Variants in SHPRH observed in about 807,000 individuals in gnomAD.
The protein encoded by SHPRH is SNF2 histone linker PHD RING helicase.
Under a neutral mutation model 202.5 loss-of-function variants are expected in SHPRH, and 106 were observed. The observed-to-expected ratio is 0.52, with a 90% CI of 0.45 to 0.62. The LOEUF is 0.62. SHPRH is among the 20% of genes least tolerant of loss of function. The pLI is 0.00. For missense variants in SHPRH, 1,710 were observed against 2,020.0 expected, an observed-to-expected ratio of 0.85 and a Z score of 2.94; for synonymous variants, 729 against 686.0, an observed-to-expected ratio of 1.06 and a Z score of -0.98.
At chr6:145,924,714 T>A (rs1489664494) in intron 17 of SHPRH, 25 bp downstream of exon 17, 2 of 1,596,576 alleles carry the variant, frequency 1.3e-6, no homozygotes, top group Admixed American at 3.4e-5. Flanking sequence ...CAAATACAAG[T>A]AAGAAACACT....
chr6:145,865,178 C>T (rs1779721881), intron 2 of SHPRH, among the ~76,000 whole-genome samples: 1 of 152,138 alleles, frequency 6.6e-6, no homozygotes, highest in Admixed American at 6.6e-5. Context: ...ATTATTTCCC[C>T]ATGCAAATTC....
At chr6:145,942,600 T>C (rs1786910241) in intron 9 of SHPRH, among the ~76,000 whole-genome samples, 1 of 152,192 alleles carries the variant, frequency 6.6e-6, no homozygotes, top group Non-Finnish European at 1.5e-5. Flanking sequence ...TAGGAAACAA[T>C]AACATTACTA....
Position 145,940,813 on chromosome 6 carries a change from GAAAAATGAAAT to G in SHPRH, c.2491-23_2491-13del. ...GCCATTTCTGCAGCCTGATGAGAGG[GAAAAATGAAAT>G]AAAAATGAAATCCAGAAAACCACAG... is the stretch of plus-strand genomic sequence containing the variant. On this transcript the variant is annotated splice_polypyrimidine_tract_variant and intron_variant, in intron 10 of 29. Coordinates refer to ENST00000275233, the MANE Select transcript of SHPRH (RefSeq NM_001042683.3). 2 of 1,612,976 alleles carry G rather than the reference GAAAAATGAAAT, an allele frequency of 1.2e-6. No individual in the cohort carries two copies. Among genetic ancestry groups the G allele is most frequent in the Admixed American group, 1.7e-5 (1 of 59,918 alleles).
intron 14 of SHPRH, 141 bp downstream of exon 14, chr6:145,932,916 T>C (rs2128764644): frequency 2.1e-6 from 2 of 931,744 alleles, no homozygotes. Flanking sequence ...GTTGAACCTA[T>C]TTAAACTATA....
intron 1 of SHPRH, among the ~76,000 whole-genome samples, chr6:145,955,914 A>C (rs903510518): frequency 2.6e-5 from 4 of 152,196 alleles, no homozygotes; most frequent in African/African-American, 9.6e-5. Context: ...AATATGTTAA[A>C]GGTAGAGGAA....
At chr6:145,883,503 G>A (rs1435491449), downstream of SHPRH, 1 of 152,202 alleles carries the variant, frequency 6.6e-6, no homozygotes, top group Admixed American at 6.5e-5. Context: ...AACTCCCTTT[G>A]GGGTTATCAA....
downstream of SHPRH, among the ~76,000 whole-genome samples, chr6:145,863,992 G>A (rs1779663541): frequency 6.6e-6 from 1 of 152,194 alleles, no homozygotes; most frequent in Admixed American, 6.5e-5. Flanking sequence ...ATCCACATAA[G>A]TAATTTGCAT....
At chr6:145,910,743 TAATA>T (rs2128736466) in intron 24 of SHPRH, 107 bp from the exon 25 acceptor site, 2 of 1,104,618 alleles carry the variant, frequency 1.8e-6, no homozygotes, top group East Asian at 5.2e-5. Flanking sequence ...TTCATAACAT[TAATA>T]TTCTTTGTCA....
intron 25 of SHPRH, chr6:145,907,082 A>G (rs963143355): frequency 2.0e-5 from 3 of 152,096 alleles, no homozygotes; most frequent in African/African-American, 7.2e-5. Context: ...CCAGCTCCAC[A>G]TATCAACACT....
Position 145,950,408 on chromosome 6 carries a change from C to T in SHPRH, c.838G>A (p.Val280Met). ...GTTTCTTGCTGATGTGTTTGTTTCA[C>T]AAAGTGATACAGCTCGTCAATGTCT... The part of the protein sequence containing the change: ...GQDIDELYHF[V>M]KQTHQQETQS... The change falls in exon 4 of 30, where the codon GTG becomes ATG. Residue 280 changes from valine to methionine, a missense_variant. Val to Met is a conservative substitution (Grantham distance 21, BLOSUM62 1). Transcript: ENST00000275233. 1 of 1,613,310 alleles carries T rather than the reference C, an allele frequency of 6.2e-7. No homozygotes were observed. Among genetic ancestry groups the T allele is most frequent in the South Asian group, 1.1e-5 (1 of 91,082 alleles).
chr6:145,926,127 C>G (rs1784855293), intron 16 of SHPRH, 77 bp downstream of exon 16: 1 of 1,250,768 alleles, frequency 8.0e-7, no homozygotes, highest in African/African-American at 1.5e-5. Flanking sequence ...GTTGTATGTC[C>G]TAGGATATAT....
intron 24 of SHPRH, among the ~76,000 whole-genome samples, chr6:145,911,174 C>A (rs891827137): frequency 6.6e-6 from 1 of 152,058 alleles, no homozygotes; most frequent in Non-Finnish European, 1.5e-5. Flanking sequence ...GTCGCCCAGA[C>A]TGGAGTGCAA....
At chr6:145,867,621 TATATATATATAGAGAGAGAGAG>T (rs1446648181) in intron 2 of SHPRH, among the ~76,000 whole-genome samples, 5 of 70,012 alleles carry the variant, frequency 7.1e-5, no homozygotes, top group East Asian at 4.7e-4. Context: ...TATATATATA[TATATATATATAGAGAGAGAGAG>T]AGAGAGAGAG....
At chr6:145,946,756 A>AT in intron 6 of SHPRH, among the ~76,000 whole-genome samples, 1 of 151,928 alleles carries the variant, frequency 6.6e-6, no homozygotes, top group East Asian at 1.9e-4. Context: ...TTTTTTTTAA[A>AT]TTTTCTACTC....
At chr6:145,932,278 G>T (rs1029293831) in intron 14 of SHPRH, among the ~76,000 whole-genome samples, 2 of 152,060 alleles carry the variant, frequency 1.3e-5, no homozygotes, top group East Asian at 3.9e-4. Context: ...TTTGCTTCCA[G>T]CCAAGATAGA....
intron 25 of SHPRH, among the ~76,000 whole-genome samples, chr6:145,895,860 T>C (rs957237442): frequency 1.1e-4 from 16 of 152,006 alleles, no homozygotes; most frequent in African/African-American, 3.6e-4. Context: ...GCTGTGATGA[T>C]TGAATGAGAA....
intron 4 of SHPRH, 121 bp from the exon 5 acceptor site, chr6:145,948,471 GA>G (rs1238388824): frequency 1.6e-6 from 1 of 625,900 alleles, no homozygotes; most frequent in Non-Finnish European, 2.6e-6. Context: ...ATATTCTTGT[GA>G]AATCTCATTC....
chr6:145,948,206 A>T, intron 5 of SHPRH, 66 bp downstream of exon 5: 1 of 1,238,584 alleles, frequency 8.1e-7, no homozygotes, highest in Non-Finnish European at 1.1e-6. Context: ...ATATGCTAAC[A>T]ATCTCAGACA....
At chr6:145,913,413 A>G (rs1783670394) in intron 24 of SHPRH, 65 bp downstream of exon 24, 3 of 1,424,144 alleles carry the variant, frequency 2.1e-6, no homozygotes, top group East Asian at 4.6e-5. Flanking sequence ...GAAAGATTTT[A>G]TGTAGAAACC....
Sources: allele counts gnomAD v4.1 joint callset (sites outside exome capture counted in the v4.1 genomes callset), GRCh38; gene constraint gnomAD v4.1.1; transcripts MANE v1.5; gene names NCBI Gene and HGNC (gene_info 2026-07-23, HGNC 2026-07-21).